Variants in GRM1 observed in about 807,000 individuals in gnomAD.
The protein encoded by GRM1 is glutamate metabotropic receptor 1.
A neutral mutation model predicts 90.9 loss-of-function variants in GRM1; 33 were observed. The observed-to-expected ratio is 0.36, with a 90% CI of 0.28 to 0.49. GRM1 has a LOEUF of 0.49. Among genes scored for constraint, GRM1 ranks in the 20% least tolerant of loss-of-function variants. GRM1 has a pLI of 0.99. For missense variants in GRM1, 1,190 were observed against 1,534.3 expected, an observed-to-expected ratio of 0.78 and a Z score of 3.75; for synonymous variants, 700 against 613.2, an observed-to-expected ratio of 1.14 and a Z score of -2.09.
intron 4 of GRM1, among the ~76,000 whole-genome samples, chr6:146,355,688 TA>T (rs143932177): frequency 0.028 from 4,286 of 152,200 alleles, 97 homozygotes; most frequent in East Asian, 0.11. Flanking sequence ...ACAAAAAAAC[TA>T]GGCCAGATAC....
chr6:146,163,782 G>A (rs1431447325), intron 2 of GRM1, among the ~76,000 whole-genome samples: 1 of 152,132 alleles, frequency 6.6e-6, no homozygotes, highest in Non-Finnish European at 1.5e-5. Context: ...TATCTCCCAT[G>A]AGAAAATTAT....
intron 1 of GRM1, among the ~76,000 whole-genome samples, chr6:146,073,502 G>C (rs941548706): frequency 6.6e-6 from 1 of 151,870 alleles, no homozygotes; most frequent in African/African-American, 2.4e-5. Context: ...ACTAATATTT[G>C]GCCTATTTAT....
chr6:146,207,930 T>A (rs1308132006), intron 2 of GRM1, among the ~76,000 whole-genome samples: 1 of 152,166 alleles, frequency 6.6e-6, no homozygotes, highest in Non-Finnish European at 1.5e-5. Context: ...ATAATAGACA[T>A]GAATTTATAG....
chr6:146,347,869 A>G (rs1411363440), intron 3 of GRM1, among the ~76,000 whole-genome samples: 1 of 152,218 alleles, frequency 6.6e-6, no homozygotes, highest in African/African-American at 2.4e-5. Flanking sequence ...TGTGCCCACA[A>G]TGGAGAGCCT....
At chr6:146,208,815 A>C (rs1010699389) in intron 2 of GRM1, among the ~76,000 whole-genome samples, 1 of 152,104 alleles carries the variant, frequency 6.6e-6, no homozygotes, top group African/African-American at 2.4e-5. Flanking sequence ...TCCAGCTCTC[A>C]GTTTAATTTT....
intron 1 of GRM1, among the ~76,000 whole-genome samples, chr6:146,070,805 T>C (rs768255138): frequency 6.6e-6 from 1 of 152,176 alleles, no homozygotes; most frequent in African/African-American, 2.4e-5. Context: ...ACTTGAATTA[T>C]CAGGAAAGAC....
At chr6:146,241,800 A>G (rs550083745) in intron 2 of GRM1, among the ~76,000 whole-genome samples, 3 of 152,118 alleles carry the variant, frequency 2.0e-5, no homozygotes, top group Non-Finnish European at 4.4e-5. Context: ...TTTTATATAG[A>G]GATTTTATAT....
chr6:146,280,476 A>G (rs1782526521), intron 2 of GRM1, among the ~76,000 whole-genome samples: 1 of 152,302 alleles, frequency 6.6e-6, no homozygotes, highest in South Asian at 2.1e-4. Flanking sequence ...TGTAAGGGGC[A>G]CAACTGGATT....
At position 146,220,416 on chromosome 6, in the gene GRM1, A is replaced by G. The variant is rs186630399; in HGVS notation, c.950+60819A>G. ...ATGCTATTTTAATATTTTTTCACAA[A>G]AACATTAGTCTGAAAAGTCCACCTA... On this transcript the variant is annotated intron_variant, in intron 2 of 7. Coordinates refer to ENST00000282753, the MANE Select transcript of GRM1 (RefSeq NM_001278064.2). Among the ~76,000 whole-genome samples, 271 of 152,254 alleles carry G rather than the reference A, an allele frequency of 1.8e-3. 2 individuals carry two copies. The highest frequency in any genetic ancestry group is 6.0e-3 in the African/African-American group (248 of 41,564).
chr6:146,322,161 C>A (rs1234884424), intron 3 of GRM1, among the ~76,000 whole-genome samples: 1 of 152,184 alleles, frequency 6.6e-6, no homozygotes, highest in African/African-American at 2.4e-5. Flanking sequence ...GGCCCCTCTG[C>A]TGCAGGTCTG....
At chr6:146,106,091 A>G (rs1777217221) in intron 1 of GRM1, among the ~76,000 whole-genome samples, 1 of 152,238 alleles carries the variant, frequency 6.6e-6, no homozygotes, top group Admixed American at 6.5e-5. Context: ...CTTTCAAGTC[A>G]TAATTCTAAA....
intron 3 of GRM1, among the ~76,000 whole-genome samples, chr6:146,328,261 A>C (rs1243215130): frequency 6.6e-6 from 1 of 152,158 alleles, no homozygotes; most frequent in African/African-American, 2.4e-5. Flanking sequence ...CTGCAATTAA[A>C]ATAAAAGTGA....
At chr6:146,327,771 G>A (rs1323451987) in intron 3 of GRM1, among the ~76,000 whole-genome samples, 1 of 152,090 alleles carries the variant, frequency 6.6e-6, no homozygotes, top group African/African-American at 2.4e-5. Flanking sequence ...CTCAGTCATC[G>A]CCATGTCTAT....
intron 3 of GRM1, among the ~76,000 whole-genome samples, chr6:146,320,672 C>T (rs1360276303): frequency 6.6e-6 from 1 of 151,702 alleles, no homozygotes; most frequent in Non-Finnish European, 1.5e-5. Flanking sequence ...TTCAGAAATT[C>T]GAGTTCTTCC....
intron 1 of GRM1, among the ~76,000 whole-genome samples, chr6:146,156,217 C>T (rs971617338): frequency 6.6e-6 from 1 of 152,110 alleles, no homozygotes; most frequent in African/African-American, 2.4e-5. Flanking sequence ...ACCAGCCTGG[C>T]CAATGTGGTG....
intron 2 of GRM1, among the ~76,000 whole-genome samples, chr6:146,229,912 T>C (rs921498881): frequency 6.6e-6 from 1 of 152,150 alleles, no homozygotes; most frequent in East Asian, 1.9e-4. Context: ...AAGGTAGGAT[T>C]TGAACCCAGG....
rs761830380 is a variant in GRM1 at position 146,399,290 on chromosome 6, C to G, written c.2251C>G (p.Leu751Val). 3.1e-6 allele frequency: 5 copies of G among 1,614,026 alleles called. No homozygotes were observed. In the African/African-American group the frequency reaches 6.7e-5, roughly 22 times the overall value. ...EVYLICNTSN[L>V]GVVAPLGYNG... ...CTACCTTATCTGCAATACCAGCAAC[C>G]TGGGTGTGGTGGCCCCTTTGGGCTA... The change falls in exon 7 of 8, where the codon CTG (leucine) becomes GTG (valine). Residue 751 changes from leucine to valine, a missense_variant. Leu to Val is a conservative substitution (Grantham distance 32). This residue lies in a region of GRM1 where 414 missense variants were observed against 598.4 expected (regional missense o/e 0.69). Coordinates refer to ENST00000282753, the MANE Select transcript of GRM1 (RefSeq NM_001278064.2). The surrounding 1 kb of genome is among the most constrained non-coding windows in gnomAD (Gnocchi z 5.4).
chr6:146,269,817 G>C (rs892952929), intron 2 of GRM1, among the ~76,000 whole-genome samples: 1 of 136,188 alleles, frequency 7.3e-6, no homozygotes, highest in Non-Finnish European at 1.5e-5. Flanking sequence ...CTGGTCCCTG[G>C]TGCCAAAAGT....
chr6:146,129,024 G>A (rs1461171803), intron 1 of GRM1, among the ~76,000 whole-genome samples: 2 of 151,958 alleles, frequency 1.3e-5, no homozygotes, highest in East Asian at 1.9e-4. Context: ...TAATGATTTC[G>A]GTCACTTTTC....
Sources: allele counts gnomAD v4.1 joint callset (sites outside exome capture counted in the v4.1 genomes callset), GRCh38; gene constraint gnomAD v4.1.1; regional missense constraint gnomAD v4.1.1; non-coding constraint Gnocchi (gnomAD v3.1); transcripts MANE v1.5; gene names NCBI Gene and HGNC (gene_info 2026-07-23, HGNC 2026-07-21).